Variants in MAST4 observed in about 807,000 individuals in gnomAD.
The protein encoded by MAST4 is microtubule-associated serine/threonine-protein kinase 4.
In MAST4, 89 loss-of-function variants were observed where a neutral mutation model predicts 162.7. The ratio of observed to expected loss-of-function variants is 0.55; its 90% CI spans 0.46 to 0.65. The LOEUF (loss-of-function observed/expected upper bound fraction) is 0.65. Ranked by LOEUF, MAST4 falls within the 30% of genes least tolerant of loss-of-function variation. MAST4 has a pLI of 0.00. For synonymous variants in MAST4, 1,479 were observed against 1,361.1 expected, an observed-to-expected ratio of 1.09 and a Z score of -1.91; for missense variants, 3,153 against 3,374.0, an observed-to-expected ratio of 0.93 and a Z score of 1.62.
chr5:67,049,640 G>T (rs555274149), intron 4 of MAST4, among the ~76,000 whole-genome samples: 1 of 152,158 alleles, frequency 6.6e-6, no homozygotes, highest in South Asian at 2.1e-4. Flanking sequence ...AATTACCGGG[G>T]CCCCTCTTAC....
intron 4 of MAST4, among the ~76,000 whole-genome samples, chr5:66,971,433 T>C (rs1197140237): frequency 6.6e-6 from 1 of 152,136 alleles, no homozygotes; most frequent in Non-Finnish European, 1.5e-5. Flanking sequence ...TGCGGTGTTA[T>C]TCAGAGGGCT....
At chr5:67,007,021 C>T (rs755561159) in intron 4 of MAST4, among the ~76,000 whole-genome samples, 1 of 152,146 alleles carries the variant, frequency 6.6e-6, no homozygotes, top group African/African-American at 2.4e-5. Context: ...TCCCAAAGAT[C>T]ATCTCTACAT....
intron 4 of MAST4, among the ~76,000 whole-genome samples, chr5:66,995,927 AC>A (rs1252347481): frequency 4.6e-5 from 7 of 151,178 alleles, no homozygotes; most frequent in African/African-American, 1.2e-4. Flanking sequence ...TTGTAAAAAA[AC>A]ATGAGAAGTA....
chr5:67,100,518 C>A lies in MAST4; in HGVS notation c.996C>A (p.Phe332Leu). The change falls in exon 8 of 29, where the codon TTC (phenylalanine) becomes TTA (leucine). Residue 332 changes from phenylalanine (F) to leucine (L), a missense_variant. Transcript: ENST00000403625. ...PDELHFLSKH[F>L]CTTESIATEN... ...AGTTACACTTCTTATCAAAACATTTCTGTACCACCGAAAGCATCGCCACTG... is the reference window on the plus strand; with the variant it reads ...AGTTACACTTCTTATCAAAACATTTATGTACCACCGAAAGCATCGCCACTG... 6.2e-7 allele frequency: 1 copy of A among 1,613,912 alleles called. No homozygotes were observed. Among genetic ancestry groups the A allele is most frequent in the Non-Finnish European group, 8.5e-7 (1 of 1,179,846 alleles).
At chr5:66,750,170 T>G (rs1753045823) in intron 1 of MAST4, among the ~76,000 whole-genome samples, 1 of 152,180 alleles carries the variant, frequency 6.6e-6, no homozygotes, top group South Asian at 2.1e-4. Flanking sequence ...TAAAAAGGAC[T>G]TTACTGGTGA....
intron 1 of MAST4, among the ~76,000 whole-genome samples, chr5:66,695,987 TGTG>T (rs750114796): frequency 6.6e-6 from 1 of 152,036 alleles, no homozygotes; most frequent in Non-Finnish European, 1.5e-5. Context: ...ATAAAGAAAA[TGTG>T]GTACATGTAC....
Position 66,620,243 on chromosome 5 carries a change from T to C in MAST4, c.363+23225T>C, listed in dbSNP as rs545625755. ...TAGCACTTTCACAACAAAGCAATTA[T>C]ATTGTATTGCATGTAAATATTTGTG... On this transcript the variant is annotated intron_variant, in intron 1 of 28. Coordinates refer to ENST00000403625, the MANE Select transcript of MAST4 (RefSeq NM_001164664.2). Among the ~76,000 whole-genome samples, 15 of 152,268 alleles carry C rather than the reference T, an allele frequency of 9.9e-5. 1 individual carries two copies. In the East Asian group the frequency reaches 2.5e-3, roughly 25 times the overall value.
intron 2 of MAST4, among the ~76,000 whole-genome samples, chr5:66,761,180 C>A (rs1048978114): frequency 1.2e-4 from 18 of 152,232 alleles, no homozygotes; most frequent in Admixed American, 1.0e-3. Flanking sequence ...TCTAGAACAC[C>A]TTTTCAAGTG....
intron 1 of MAST4, among the ~76,000 whole-genome samples, chr5:66,643,566 A>AT (rs1347984874): frequency 6.6e-6 from 1 of 152,116 alleles, no homozygotes; most frequent in African/African-American, 2.4e-5. Context: ...CAGATACCCC[A>AT]TATTGCATCA....
chr5:66,929,452 C>T (rs1741937781), intron 4 of MAST4, among the ~76,000 whole-genome samples: 2 of 152,088 alleles, frequency 1.3e-5, no homozygotes, highest in Non-Finnish European at 2.9e-5. Context: ...CTGGACACAC[C>T]CTCAAAGACA....
intron 5 of MAST4, among the ~76,000 whole-genome samples, chr5:67,058,383 A>G (rs1408356242): frequency 6.6e-6 from 1 of 152,224 alleles, no homozygotes; most frequent in Non-Finnish European, 1.5e-5. Context: ...GAATATTTCA[A>G]ATGTGTTTAC....
intron 1 of MAST4, among the ~76,000 whole-genome samples, chr5:66,608,056 T>C (rs1434751014): frequency 9.3e-6 from 1 of 107,268 alleles, no homozygotes; most frequent in Non-Finnish European, 1.8e-5. Context: ...ACATGCTTAC[T>C]TTTTTTTTTT....
intron 2 of MAST4, among the ~76,000 whole-genome samples, chr5:66,761,058 G>A (rs1203498580): frequency 6.6e-6 from 1 of 152,100 alleles, no homozygotes; most frequent in Non-Finnish European, 1.5e-5. Flanking sequence ...CAATTGCTGT[G>A]CGTTCTTGCT....
chr5:66,821,831 A>C (rs1412561955), intron 3 of MAST4, among the ~76,000 whole-genome samples: 1 of 152,068 alleles, frequency 6.6e-6, no homozygotes, highest in Non-Finnish European at 1.5e-5. Flanking sequence ...TGAAGCCAGG[A>C]AGGTAGCTGA....
rs781563151 is a variant in MAST4, at chr5:66,746,882, AGAAAT to A, written c.364-12824_364-12820del. On this transcript the variant is annotated intron_variant, in intron 1 of 28. Transcript: ENST00000403625. ...GTCATTGTTCCTAAAGTAAACTTTG[AGAAAT>A]GATTCATAATTTGAAAACTATGCAC... Among the ~76,000 whole-genome samples, 11 of 152,356 alleles carry A rather than the reference AGAAAT, an allele frequency of 7.2e-5. No individual in the cohort carries two copies. In the East Asian group the frequency reaches 1.9e-3, roughly 27 times the overall value.
chr5:67,129,851 C>A (rs1768743222), intron 14 of MAST4, among the ~76,000 whole-genome samples: 1 of 152,084 alleles, frequency 6.6e-6, no homozygotes, highest in Non-Finnish European at 1.5e-5. Flanking sequence ...TTTGTTAATT[C>A]TTTCCTGTTC....
At chr5:66,642,124 A>G (rs1745527414) in intron 1 of MAST4, among the ~76,000 whole-genome samples, 1 of 152,184 alleles carries the variant, frequency 6.6e-6, no homozygotes, top group Admixed American at 6.5e-5. Context: ...ATGGAAGTAG[A>G]CAGCACCACC....
intron 6 of MAST4, chr5:67,093,779 C>T: frequency 2.7e-6 from 1 of 376,534 alleles, no homozygotes; most frequent in Non-Finnish European, 5.5e-6. Flanking sequence ...GAAATTGTGT[C>T]CCTCACTCTT....
At chr5:66,955,657 A>C (rs79666942) in intron 4 of MAST4, among the ~76,000 whole-genome samples, 1 of 152,144 alleles carries the variant, frequency 6.6e-6, no homozygotes, top group Non-Finnish European at 1.5e-5. Context: ...AGCAAACTCT[A>C]TATGTATTAC....
Sources: gnomAD v4.1 joint callset for allele counts (sites outside exome capture counted in the v4.1 genomes callset) on GRCh38, gnomAD v4.1.1 for gene constraint, MANE v1.5 for transcripts, NCBI Gene and HGNC (gene_info 2026-07-23, HGNC 2026-07-21) for gene names.